The following RXRG variants were observed in gnomAD, a reference collection of about 807,000 sequenced individuals.
RXRG encodes retinoic acid receptor RXR-gamma.
Under a neutral mutation model 49.2 loss-of-function variants are expected in RXRG, and 19 were observed. That is an observed-to-expected ratio of 0.39 (90% CI 0.27 to 0.57). The LOEUF (loss-of-function observed/expected upper bound fraction) is 0.57. RXRG is among the 20% of genes least tolerant of loss of function. The pLI is 0.64. For missense variants in RXRG, 452 were observed against 592.5 expected, an observed-to-expected ratio of 0.76 and a Z score of 2.46; for synonymous variants, 224 against 216.6, an observed-to-expected ratio of 1.03 and a Z score of -0.30.
In RXRG at chr1:165,409,566, G is replaced by A. The variant is rs1385704336; in HGVS notation, c.1038C>T (p.Ile346=). 5 of 1,487,618 alleles carry A rather than the reference G, an allele frequency of 3.4e-6. No homozygotes were observed. Among genetic ancestry groups the A allele is most frequent in the Non-Finnish European group, 4.5e-6 (5 of 1,119,944 alleles). The allele number at this position is 1,487,618 out of a possible 1,614,324, so 92.2% of individuals were successfully genotyped here. The change falls in exon 7 of 10, where the codon ATC becomes ATT. Residue 346 remains isoleucine (I), a synonymous_variant. Coordinates refer to ENST00000359842, the MANE Select transcript of RXRG (RefSeq NM_006917.5). ...SSAHSAGVGS[I]FDRVLTELVS... ...AAGCAGGAGAGAGACACCTGTCAAAGATGGAGCCGACCCCAGCACTGTGGG... is the reference window on the plus strand; with the variant it reads ...AAGCAGGAGAGAGACACCTGTCAAAAATGGAGCCGACCCCAGCACTGTGGG...
intron 1 of RXRG, among the ~76,000 whole-genome samples, chr1:165,430,769 C>A (rs1416489339): frequency 6.6e-6 from 1 of 152,224 alleles, no homozygotes; most frequent in South Asian, 2.1e-4. Flanking sequence ...ACTCTTTATC[C>A]TGACAATAAG....
Position 165,417,032 on chromosome 1 carries a change from G to A in RXRG, c.622+9C>T, listed in dbSNP as rs1658147420. The A allele has an allele frequency of 2.5e-6, 4 of 1,608,590 alleles. No homozygotes were observed. The highest frequency in any genetic ancestry group is 3.4e-6 in the Non-Finnish European group (4 of 1,176,586). ...CCGGACACGAGTTTTGGAACTGAAT[G>A]TGTCTCACCTTCCCTCTTCATGCCC... On this transcript the variant is annotated intron_variant, in intron 4 of 9. Transcript: ENST00000359842.
chr1:165,415,469 G>A (rs1482441852), intron 4 of RXRG, among the ~76,000 whole-genome samples: 2 of 152,224 alleles, frequency 1.3e-5, no homozygotes, highest in Non-Finnish European at 2.9e-5. Flanking sequence ...GTGCTAAGAA[G>A]AGACTGTAGG....
chr1:165,401,182 G>C lies in RXRG; in HGVS notation c.*81C>G. The C allele has an allele frequency of 7.4e-7, 1 of 1,355,898 alleles. No individual in the cohort carries two copies. Among genetic ancestry groups the C allele is most frequent in the East Asian group, 2.3e-5 (1 of 43,358 alleles). The allele number at this position is 1,355,898 out of a possible 1,614,324, so 84.0% of individuals were successfully genotyped here. A position where few individuals can be genotyped will look rare whatever the true frequency, so the allele number is the denominator to read the frequency against. On this transcript the variant is annotated 3_prime_UTR_variant, in exon 10 of 10. Coordinates refer to ENST00000359842, the MANE Select transcript of RXRG (RefSeq NM_006917.5). ...GGACAGGAAGGGGGTCAGGGTGGGAGGTGGAGGAAAGTGCAGGGTGGGGGT... is the reference window on the plus strand; with the variant it reads ...GGACAGGAAGGGGGTCAGGGTGGGACGTGGAGGAAAGTGCAGGGTGGGGGT...
At chr1:165,425,354 TG>T (rs1475476105) in intron 2 of RXRG, among the ~76,000 whole-genome samples, 1 of 152,346 alleles carries the variant, frequency 6.6e-6, no homozygotes, top group African/African-American at 2.4e-5. Context: ...TTGCCTGTCC[TG>T]CCTGCTATTG....
At chr1:165,421,038 C>T (rs1156524894) in intron 2 of RXRG, among the ~76,000 whole-genome samples, 1 of 152,150 alleles carries the variant, frequency 6.6e-6, no homozygotes, top group Non-Finnish European at 1.5e-5. Flanking sequence ...CAAACTGAAT[C>T]AAAGGTATGA....
At chr1:165,425,335 CT>C (rs1234815510) in intron 2 of RXRG, among the ~76,000 whole-genome samples, 1 of 152,008 alleles carries the variant, frequency 6.6e-6, no homozygotes, top group Admixed American at 6.6e-5. Context: ...TTGTTTATTC[CT>C]TAGGTTTTTG....
At position 165,409,577 on chromosome 1, in the gene RXRG, C is replaced by T; in HGVS notation, c.1027G>A (p.Val343Ile). The T allele has an allele frequency of 1.3e-6, 2 of 1,534,882 alleles. No individual in the cohort carries two copies. Among genetic ancestry groups the T allele is most frequent in the South Asian group, 1.3e-5 (1 of 76,564 alleles). ...AGACACCTGTCAAAGATGGAGCCGA[C>T]CCCAGCACTGTGGGCACTGCTCCGG... ...VHRSSAHSAG[V>I]GSIFDRVLTE... Residue 343 changes from valine to isoleucine, a missense_variant, in exon 7 of 10, where the codon GTC (valine) becomes ATC (isoleucine). Coordinates refer to ENST00000359842, the MANE Select transcript of RXRG (RefSeq NM_006917.5).
At chr1:165,422,367 G>A (rs757791779) in intron 2 of RXRG, among the ~76,000 whole-genome samples, 2 of 152,254 alleles carry the variant, frequency 1.3e-5, no homozygotes, top group Non-Finnish European at 2.9e-5. Context: ...GGAAGGAGAT[G>A]CAGGCACTGC....
chr1:165,424,718 T>G (rs1658426339), intron 2 of RXRG: 1 of 940,894 alleles, frequency 1.1e-6, no homozygotes, highest in South Asian at 4.9e-5. Context: ...CCTAGACACT[T>G]CCTCCTCCCT....
chr1:165,430,979 T>A (rs1198530112), intron 1 of RXRG, among the ~76,000 whole-genome samples: 2 of 152,234 alleles, frequency 1.3e-5, no homozygotes, highest in Admixed American at 6.5e-5. Flanking sequence ...GCCCTTTTTT[T>A]ATTTCCTAAA....
intron 1 of RXRG, 35 bp from the exon 2 acceptor site, chr1:165,429,001 G>C (rs774069121): frequency 2.5e-6 from 4 of 1,596,224 alleles, no homozygotes; most frequent in Non-Finnish European, 3.4e-6. Context: ...TGGGAGGTTG[G>C]GGAACATGGA....
chr1:165,430,922 C>A (rs1329108980), intron 1 of RXRG, among the ~76,000 whole-genome samples: 1 of 152,210 alleles, frequency 6.6e-6, no homozygotes, highest in Non-Finnish European at 1.5e-5. Context: ...AACTCAAGTG[C>A]CACCTCCTCC....
intron 2 of RXRG, 59 bp from the exon 3 acceptor site, chr1:165,420,073 C>T: frequency 2.2e-6 from 3 of 1,370,734 alleles, no homozygotes; most frequent in Non-Finnish European, 2.9e-6. Flanking sequence ...TCCCCAAGGC[C>T]TAAGGCAATG....
chr1:165,438,983 A>G (rs1400450039), intron 1 of RXRG, among the ~76,000 whole-genome samples: 1 of 152,188 alleles, frequency 6.6e-6, no homozygotes, highest in Admixed American at 6.5e-5. Context: ...TGTTAATTAC[A>G]AAAGAATCTT....
At position 165,420,050 on chromosome 1, in the gene RXRG, A is replaced by G. The variant is rs2296900; in HGVS notation, c.298-36T>C. The G allele has an allele frequency of 1.3e-4, 202 of 1,499,448 alleles. No individual in the cohort carries two copies. In the East Asian group the frequency reaches 4.2e-3, roughly 31 times the overall value. The allele number at this position is 1,499,448 out of a possible 1,614,324, so 92.9% of individuals were successfully genotyped here. On this transcript the variant is annotated intron_variant, in intron 2 of 9. Coordinates refer to ENST00000359842, the MANE Select transcript of RXRG (RefSeq NM_006917.5). The stretch of plus-strand genomic sequence containing the variant: ...AAAAAATACTGTAAAGCACAGAGCC[A>G]GAGTAAATTCAATCCCCAAGGCCTA...
At chr1:165,404,366 A>T (rs74121138) in intron 9 of RXRG, among the ~76,000 whole-genome samples, 6,473 of 152,294 alleles carry the variant, frequency 0.043, 165 homozygotes, top group East Asian at 0.071. Flanking sequence ...CTCTCCCCAG[A>T]GTGTGGAGGC....
chr1:165,429,011 A>G (rs1484491351), intron 1 of RXRG, 45 bp from the exon 2 acceptor site: 3 of 1,587,044 alleles, frequency 1.9e-6, no homozygotes, highest in African/African-American at 2.7e-5. Context: ...GGGAACATGG[A>G]AAGGGGCCCT....
rs192369369 is a variant in RXRG, at chr1:165,421,795, G to T, written c.298-1781C>A. Among the ~76,000 whole-genome samples the T allele has an allele frequency of 3.5e-3, 525 of 152,102 alleles. 1 individual carries two copies. Among genetic ancestry groups the T allele is most frequent in the Non-Finnish European group, 5.9e-3 (403 of 68,008 alleles). ...AATCTGCCCGTCTTGGCCTCCCAAAGTTCTGGGATTACAGGGGAGAGCCAC... is the reference window on the plus strand; with the variant it reads ...AATCTGCCCGTCTTGGCCTCCCAAATTTCTGGGATTACAGGGGAGAGCCAC... On this transcript the variant is annotated intron_variant, in intron 2 of 9. Coordinates refer to ENST00000359842, the MANE Select transcript of RXRG (RefSeq NM_006917.5).
Sources: gnomAD v4.1 joint callset for allele counts (sites outside exome capture counted in the v4.1 genomes callset) on GRCh38, gnomAD v4.1.1 for gene constraint, MANE v1.5 for transcripts, NCBI Gene and HGNC (gene_info 2026-07-23, HGNC 2026-07-21) for gene names.